The following GLCCI1 variants were observed in gnomAD, a reference collection of about 807,000 sequenced individuals.
GLCCI1 encodes the protein glucocorticoid-induced transcript 1 protein.
A neutral mutation model predicts 52.2 loss-of-function variants in GLCCI1; 24 were observed. The ratio of observed to expected loss-of-function variants is 0.46; its 90% CI spans 0.33 to 0.65. GLCCI1 has a LOEUF of 0.65. Among genes scored for constraint, GLCCI1 ranks in the 30% least tolerant of loss-of-function variants. The pLI, the probability that GLCCI1 is intolerant of heterozygous loss-of-function variation, is 0.02. For synonymous variants in GLCCI1, 310 were observed against 276.5 expected, an observed-to-expected ratio of 1.12 and a Z score of -1.20; for missense variants, 704 against 701.5, an observed-to-expected ratio of 1.00 and a Z score of -0.04.
At chr7:8,065,904 G>A (rs1021475415) in intron 5 of GLCCI1, among the ~76,000 whole-genome samples, 1 of 152,104 alleles carries the variant, frequency 6.6e-6, no homozygotes, top group Non-Finnish European at 1.5e-5. Flanking sequence ...TCAGGATGAT[G>A]TTATCCTTAT....
chr7:8,074,941 G>C (rs1186690134), intron 6 of GLCCI1, among the ~76,000 whole-genome samples: 1 of 152,132 alleles, frequency 6.6e-6, no homozygotes, highest in Non-Finnish European at 1.5e-5. Flanking sequence ...TAGGAGCCTG[G>C]ATAGACATGG....
intron 2 of GLCCI1, among the ~76,000 whole-genome samples, chr7:8,006,540 TTAG>T (rs1781153448): frequency 6.6e-6 from 1 of 152,146 alleles, no homozygotes; most frequent in Non-Finnish European, 1.5e-5. Flanking sequence ...CACATTTAAG[TTAG>T]TAGTAGTATA....
chr7:8,079,536 AT>A (rs920688707), intron 6 of GLCCI1, among the ~76,000 whole-genome samples: 1 of 151,514 alleles, frequency 6.6e-6, no homozygotes, highest in Non-Finnish European at 1.5e-5. Flanking sequence ...AGTTGTTTTC[AT>A]TTTTAATTGT....
chr7:8,048,097 C>T (rs1044723478), intron 3 of GLCCI1, among the ~76,000 whole-genome samples: 16 of 152,114 alleles, frequency 1.1e-4, no homozygotes, highest in Non-Finnish European at 1.5e-5. Context: ...AGAAATGTTC[C>T]TACTTGACTG....
chr7:7,988,131 A>G (rs37992), intron 1 of GLCCI1, among the ~76,000 whole-genome samples: 73,783 of 151,922 alleles, frequency 0.49, 18,383 homozygotes, highest in African/African-American at 0.59. Context: ...TATGGCCCCA[A>G]ATCCCAAAAC....
chr7:7,982,071 A>G (rs1451238447), intron 1 of GLCCI1: 6 of 469,342 alleles, frequency 1.3e-5, no homozygotes, highest in Non-Finnish European at 2.5e-5. Context: ...GACCGAACTC[A>G]GAACTGAAGT....
chr7:8,021,730 TA>T lies in GLCCI1; in HGVS notation c.610-750del, dbSNP rs1232154667. On this transcript the variant is annotated intron_variant, in intron 2 of 7. Transcript: ENST00000223145. ...TTGTTTAATTTTTTAATACAACTAT[TA>T]AATGGTCTTAACCACTGTATGGCAT... Among the ~76,000 whole-genome samples the T allele has an allele frequency of 2.0e-5, 3 of 152,358 alleles. No homozygotes were observed. In the East Asian group the frequency reaches 5.8e-4, roughly 29 times the overall value.
At position 8,060,163 on chromosome 7, in the gene GLCCI1, G is replaced by A. The variant is rs372364460; in HGVS notation, c.881G>A (p.Arg294His). The part of the protein sequence containing the change: ...NISVPKSSVS[R>H]VPCNVEGISP... ...TCAGTGCCAAAATCATCTGTTTCGC[G>A]TGTGCCCTGCAATGTAGAAGGAATA... The change falls in exon 5 of 8, where the codon CGT becomes CAT. Residue 294 changes from arginine to histidine, a missense_variant. Physicochemically the swap from Arg to His is conservative, Grantham distance 29 (BLOSUM62 0). Coordinates refer to ENST00000223145, the MANE Select transcript of GLCCI1 (RefSeq NM_138426.4). The A allele has an allele frequency of 1.5e-5, 24 of 1,613,336 alleles. No individual in the cohort carries two copies. Among genetic ancestry groups the A allele is most frequent in the Admixed American group, 3.3e-5 (2 of 60,004 alleles).
intron 1 of GLCCI1, among the ~76,000 whole-genome samples, chr7:7,970,738 G>A (rs1780334278): frequency 6.6e-6 from 1 of 152,158 alleles, no homozygotes; most frequent in African/African-American, 2.4e-5. Flanking sequence ...CCCTGGGGGA[G>A]AAAAGGAAGA....
At position 8,048,580 on chromosome 7, in the gene GLCCI1, C is replaced by G. The variant is rs149057185; in HGVS notation, c.697-6853C>G. 8.0e-4 allele frequency among the ~76,000 whole-genome samples: 121 copies of G among 152,192 alleles called. 1 individual carries two copies. Among genetic ancestry groups the G allele is most frequent in the Non-Finnish European group, 2.5e-4 (17 of 67,978 alleles). Reference sequence around the variant, plus strand: ...CATACATGAGTCTTTCCAAGTTGTTCCATTAAAACTCCTCTCTTTTCATTT... The same window carrying G: ...CATACATGAGTCTTTCCAAGTTGTTGCATTAAAACTCCTCTCTTTTCATTT... On this transcript the variant is annotated intron_variant, in intron 3 of 7. Transcript: ENST00000223145.
At chr7:8,043,287 C>T (rs1277796398) in intron 3 of GLCCI1, among the ~76,000 whole-genome samples, 1 of 151,356 alleles carries the variant, frequency 6.6e-6, no homozygotes, top group Non-Finnish European at 1.5e-5. Flanking sequence ...TGGAATCAAA[C>T]CTGCAATATC....
chr7:7,996,140 C>T (rs1000112778), intron 1 of GLCCI1, among the ~76,000 whole-genome samples: 1 of 152,006 alleles, frequency 6.6e-6, no homozygotes, highest in African/African-American at 2.4e-5. Context: ...ATTTGTGTTC[C>T]TTTTGCTTAC....
rs759542141 is a variant in GLCCI1 at position 8,086,455 on chromosome 7, C to T, written c.1561C>T (p.Gln521Ter). 1 of 1,614,162 alleles carries T rather than the reference C, an allele frequency of 6.2e-7. No homozygotes were observed. Among genetic ancestry groups the T allele is most frequent in the African/African-American group, 1.3e-5 (1 of 75,044 alleles). Reference protein sequence around the residue: ...STAGSMEASVQQPSQQQQLLQ... With the variant: ...STAGSMEASV ...AGCGGGCTCCATGGAGGCCTCTGTCCAGCAGCCATCCCAGCAGCAGCAGCT... is the reference window on the plus strand; with the variant it reads ...AGCGGGCTCCATGGAGGCCTCTGTCTAGCAGCCATCCCAGCAGCAGCAGCT... Residue 521 changes from glutamine (Q) to a stop codon, truncating the protein, a stop_gained, in exon 8 of 8, where the codon CAG (glutamine) becomes TAG (stop). Transcript: ENST00000223145. LOFTEE classifies it high-confidence loss of function. The surrounding 1 kb of genome is among the most constrained non-coding windows in gnomAD (Gnocchi z 4.4).
rs1300084501 is a variant in GLCCI1 at position 8,022,498 on chromosome 7, G to A, written c.625G>A (p.Ala209Thr). ...TTTTTTAAAGACACCTAGCTGTTGGGCAGAAGAGGGTGCAGAAAAGAGGTC... is the reference window on the plus strand; with the variant it reads ...TTTTTTAAAGACACCTAGCTGTTGGACAGAAGAGGGTGCAGAAAAGAGGTC... ...DKATQTPSCWAEEGAEKRSHQ... is the reference protein window; with the variant it reads ...DKATQTPSCWTEEGAEKRSHQ... Residue 209 changes from alanine (A) to threonine (T), a missense_variant, in exon 3 of 8, where the codon GCA becomes ACA. Transcript: ENST00000223145. The A allele has an allele frequency of 1.3e-6, 2 of 1,578,032 alleles. No homozygotes were observed. Among genetic ancestry groups the A allele is most frequent in the Non-Finnish European group, 1.7e-6 (2 of 1,159,872 alleles).
At chr7:8,034,016 A>G (rs916132184) in intron 3 of GLCCI1, among the ~76,000 whole-genome samples, 7 of 152,296 alleles carry the variant, frequency 4.6e-5, no homozygotes, top group East Asian at 3.9e-4. Context: ...CTGTGAACCT[A>G]CATTAATATA....
intron 1 of GLCCI1, among the ~76,000 whole-genome samples, chr7:8,002,497 T>C (rs536028184): frequency 3.2e-4 from 49 of 152,300 alleles, no homozygotes; most frequent in African/African-American, 1.1e-3. Context: ...CTGGTAATTT[T>C]CAGATCTTTT....
At chr7:8,062,938 A>G (rs1782549365) in intron 5 of GLCCI1, among the ~76,000 whole-genome samples, 1 of 152,172 alleles carries the variant, frequency 6.6e-6, no homozygotes, top group Non-Finnish European at 1.5e-5. Context: ...ATATGCGTGC[A>G]TGTGTCTTTA....
intron 6 of GLCCI1, among the ~76,000 whole-genome samples, chr7:8,078,157 C>T (rs1296053802): frequency 2.1e-5 from 3 of 140,024 alleles, no homozygotes; most frequent in Non-Finnish European, 3.0e-5. Context: ...TGGCATGAAC[C>T]GAGATCACAC....
At chr7:8,085,038 C>T (rs765533507) in intron 7 of GLCCI1, 21 bp downstream of exon 7, 3 of 1,612,976 alleles carry the variant, frequency 1.9e-6, no homozygotes, top group Non-Finnish European at 1.7e-6. Flanking sequence ...TCTTTTTTGT[C>T]AGCTGGGATC....
Sources: gnomAD v4.1 joint callset for allele counts (sites outside exome capture counted in the v4.1 genomes callset) on GRCh38, gnomAD v4.1.1 for gene constraint, Gnocchi (gnomAD v3.1) non-coding constraint, MANE v1.5 for transcripts, NCBI Gene and HGNC (gene_info 2026-07-23, HGNC 2026-07-21) for gene names.